NT5DC3: variants seen among roughly 807,000 people sequenced by gnomAD.
NT5DC3 encodes the protein 5'-nucleotidase domain-containing protein 3.
Under a neutral mutation model 67.8 loss-of-function variants are expected in NT5DC3, and 42 were observed. That is an observed-to-expected ratio of 0.62 (90% confidence interval 0.48 to 0.80). The LOEUF (loss-of-function observed/expected upper bound fraction) is 0.80. NT5DC3 is among the 30% of genes least tolerant of loss of function. NT5DC3 has a pLI of 0.00. For missense variants in NT5DC3, 570 were observed against 696.4 expected, an observed-to-expected ratio of 0.82 and a Z score of 2.04; for synonymous variants, 237 against 255.6, an observed-to-expected ratio of 0.93 and a Z score of 0.69.
chr12:103,755,324 C>T, the NT5DC3 span: 2 of 1,614,086 alleles, frequency 1.2e-6, no homozygotes, highest in South Asian at 2.2e-5. Context: ...CTGTGCTCAG[C>T]AGGCTGGCTG....
Position 103,806,931 on chromosome 12 carries a change from T to G in NT5DC3, c.394-2A>C. The G allele has an allele frequency of 6.3e-7, 1 of 1,582,856 alleles. No homozygotes were observed. The highest frequency in any genetic ancestry group is 8.7e-7 in the Non-Finnish European group (1 of 1,151,632). ...ATACTTCCTGATTTCTGCTGGATACTAAGAAAGAAGAAAGGAACTGGTTTT... is the reference window on the plus strand; with the variant it reads ...ATACTTCCTGATTTCTGCTGGATACGAAGAAAGAAGAAAGGAACTGGTTTT... On this transcript the variant is annotated splice_acceptor_variant, in intron 2 of 13. Coordinates refer to ENST00000392876, the MANE Select transcript of NT5DC3 (RefSeq NM_001031701.3). LOFTEE classifies it high-confidence loss of function.
the NT5DC3 span, among the ~76,000 whole-genome samples, chr12:103,763,063 GTATATT>G: frequency 6.6e-6 from 1 of 152,226 alleles, no homozygotes; most frequent in East Asian, 1.9e-4. Flanking sequence ...CAGACAGCTT[GTATATT>G]TATAAGCTCC....
downstream of NT5DC3, among the ~76,000 whole-genome samples, chr12:103,768,014 G>T (rs907943947): frequency 6.7e-6 from 1 of 150,064 alleles, no homozygotes; most frequent in Admixed American, 6.7e-5. Context: ...CTTGAACCCA[G>T]GAGGCAGAGG....
At chr12:103,828,139 T>C (rs980877394) in intron 1 of NT5DC3, among the ~76,000 whole-genome samples, 1 of 152,236 alleles carries the variant, frequency 6.6e-6, no homozygotes, top group Non-Finnish European at 1.5e-5. Flanking sequence ...GTTGCAGTGA[T>C]GATGCATGAT....
At chr12:103,824,648 T>A (rs59509226) in intron 1 of NT5DC3, among the ~76,000 whole-genome samples, 7,591 of 152,266 alleles carry the variant, frequency 0.05, 429 homozygotes, top group East Asian at 0.18. Context: ...ACATAAAGTA[T>A]ACAGTTTGAT....
chr12:103,807,422 C>A (rs1886849997), intron 2 of NT5DC3, among the ~76,000 whole-genome samples: 2 of 152,214 alleles, frequency 1.3e-5, no homozygotes, highest in Non-Finnish European at 2.9e-5. Flanking sequence ...TGTGGCAGGC[C>A]CCTGGACGGC....
the NT5DC3 span, chr12:103,762,539 C>A: frequency 7.5e-7 from 1 of 1,334,674 alleles, no homozygotes; most frequent in Non-Finnish European, 1.0e-6. Flanking sequence ...GGGGCGGCCA[C>A]CCACCCCACG....
chr12:103,802,195 T>C (rs1886617459), intron 4 of NT5DC3: 4 of 152,136 alleles, frequency 2.6e-5, no homozygotes, highest in African/African-American at 7.2e-5. Context: ...CAATGGACAG[T>C]GTATATACAA....
intron 11 of NT5DC3, chr12:103,785,751 T>TAAAAAAAAAAAAA: frequency 2.8e-6 from 1 of 363,510 alleles, no homozygotes; most frequent in Non-Finnish European, 5.1e-6. Context: ...CCATGGTCTG[T>TAAAAAAAAAAAAA]AAAAAAAAAA....
chr12:103,806,412 T>G (rs1326009469), intron 3 of NT5DC3, 35 bp from the exon 4 acceptor site: 2 of 1,444,814 alleles, frequency 1.4e-6, no homozygotes, highest in Non-Finnish European at 1.9e-6. Context: ...ATGTAAATAA[T>G]GTATGACTAT....
intron 1 of NT5DC3, among the ~76,000 whole-genome samples, chr12:103,829,618 T>A (rs1204428601): frequency 6.6e-6 from 1 of 152,222 alleles, no homozygotes; most frequent in East Asian, 1.9e-4. Context: ...TCATGATTAT[T>A]AATATATTTG....
intron 9 of NT5DC3, among the ~76,000 whole-genome samples, chr12:103,790,695 T>C (rs1886011034): frequency 3.7e-5 from 1 of 27,066 alleles, no homozygotes; most frequent in Non-Finnish European, 1.0e-4. Flanking sequence ...CAAGTACATC[T>C]TTTTTTTTTT....
At chr12:103,762,182 A>C in the NT5DC3 span, 1 of 1,547,314 alleles carries the variant, frequency 6.5e-7, no homozygotes, top group Non-Finnish European at 8.8e-7. Flanking sequence ...TTTTATCCCC[A>C]CTGGCTCCAG....
the NT5DC3 span, chr12:103,758,061 C>G: frequency 3.0e-5 from 46 of 1,510,806 alleles, no homozygotes; most frequent in African/African-American, 5.9e-4. Flanking sequence ...GCTGAGTTGG[C>G]TCACACCATG....
At chr12:103,826,340 T>C (rs1269592025) in intron 1 of NT5DC3, among the ~76,000 whole-genome samples, 1 of 151,714 alleles carries the variant, frequency 6.6e-6, no homozygotes, top group Non-Finnish European at 1.5e-5. Context: ...TTAAGATTGG[T>C]ATCAGCTGAC....
chr12:103,749,699 G>C, the NT5DC3 span, among the ~76,000 whole-genome samples: 1 of 151,434 alleles, frequency 6.6e-6, no homozygotes, highest in African/African-American at 2.4e-5. Flanking sequence ...AATTAGCCGG[G>C]CATGGTGGCG....
downstream of NT5DC3, chr12:103,766,700 G>A (rs1213787171): frequency 5.1e-6 from 1 of 196,616 alleles, no homozygotes; most frequent in Non-Finnish European, 1.1e-5. Context: ...CACAATAAAG[G>A]TTTATGGAAC....
At chr12:103,800,905 C>T (rs1281001996) in intron 4 of NT5DC3, among the ~76,000 whole-genome samples, 1 of 152,130 alleles carries the variant, frequency 6.6e-6, no homozygotes, top group Non-Finnish European at 1.5e-5. Flanking sequence ...TATAAAAGTG[C>T]CTATTTCCTG....
At chr12:103,793,371 GT>G (rs781067445) in intron 8 of NT5DC3, 38 bp downstream of exon 8, 2 of 1,566,586 alleles carry the variant, frequency 1.3e-6, no homozygotes, top group Admixed American at 3.3e-5. Context: ...GATACAAGGA[GT>G]GTGCCAGAAG....
Sources: allele counts gnomAD v4.1 joint callset (sites outside exome capture counted in the v4.1 genomes callset), GRCh38; gene constraint gnomAD v4.1.1; transcripts MANE v1.5; gene names NCBI Gene and HGNC (gene_info 2026-07-23, HGNC 2026-07-21).